The following KCNG2 variants were observed in gnomAD, a reference collection of about 807,000 sequenced individuals.
KCNG2 encodes voltage-gated potassium channel regulatory subunit KCNG2.
KCNG2 carries 7 observed loss-of-function variants against 12.3 expected under a neutral mutation model. The observed-to-expected ratio is 0.57, with a 90% confidence interval of 0.32 to 1.07. The LOEUF is 1.07. KCNG2 is among the 50% of genes least tolerant of loss of function. The probability of loss-of-function intolerance (pLI) is 0.04; values close to 1 mark genes in which losing one functional copy is unlikely to be tolerated. For missense variants in KCNG2, 703 were observed against 726.0 expected, an observed-to-expected ratio of 0.97 and a Z score of 0.36; for synonymous variants, 414 against 351.4, an observed-to-expected ratio of 1.18 and a Z score of -1.99.
At chr18:79,839,099 C>T (rs934061359) in intron 1 of KCNG2, among the ~76,000 whole-genome samples, 3 of 152,144 alleles carry the variant, frequency 2.0e-5, no homozygotes, top group Non-Finnish European at 2.9e-5. Flanking sequence ...AATCCAACAC[C>T]AGCCTGGACA....
At chr18:79,865,553 AGGTCTGGGTGCTGAGAGGTCTGGGTAT>A in intron 3 of KCNG2, among the ~76,000 whole-genome samples, 1 of 116,590 alleles carries the variant, frequency 8.6e-6, no homozygotes, top group South Asian at 3.5e-4. Flanking sequence ...CTGGGTGCTG[AGGTCTGGGTGCTGAGAGGTCTGGGTAT>A]GAGGTCTGGG....
intron 1 of KCNG2, among the ~76,000 whole-genome samples, chr18:79,807,232 C>A (rs189432870): frequency 1.3e-3 from 194 of 152,250 alleles, no homozygotes; most frequent in Non-Finnish European, 2.3e-3. Context: ...GGGAGCTCGT[C>A]GCGTAGTCTG....
At chr18:79,810,466 G>T (rs1247561689) in intron 1 of KCNG2, among the ~76,000 whole-genome samples, 1 of 152,116 alleles carries the variant, frequency 6.6e-6, no homozygotes, top group Non-Finnish European at 1.5e-5. Context: ...AGGAAACGTA[G>T]AAATCAAAAA....
At chr18:79,885,145 G>A (rs1294720849) in intron 3 of KCNG2, among the ~76,000 whole-genome samples, 1 of 152,194 alleles carries the variant, frequency 6.6e-6, no homozygotes, top group Non-Finnish European at 1.5e-5. Context: ...CAGGGCTGTG[G>A]AGCAGAGTCT....
intron 1 of KCNG2, among the ~76,000 whole-genome samples, chr18:79,818,703 G>A (rs935711113): frequency 1.3e-5 from 2 of 152,196 alleles, no homozygotes; most frequent in Admixed American, 6.5e-5. Context: ...ATAAGGAACC[G>A]CCCAGAAATC....
At position 79,884,245 on chromosome 18, in the gene KCNG2, C is replaced by T. The variant is rs1310908313; in HGVS notation, c.625-14795C>T. Reference sequence around the variant, plus strand: ...CCATGCCCCATGTCCCTGTTCTCAGCCCTCCTCCCGCCCCTCCCTGTGGGC... The same window carrying T: ...CCATGCCCCATGTCCCTGTTCTCAGTCCTCCTCCCGCCCCTCCCTGTGGGC... On this transcript the variant is annotated intron_variant, in intron 3 of 3. Transcript: ENST00000316249. The surrounding 1 kb of genome is among the most constrained non-coding windows in gnomAD (Gnocchi z 5.5). Among the ~76,000 whole-genome samples, 1 of 151,834 alleles carries T rather than the reference C, an allele frequency of 6.6e-6. No individual in the cohort carries two copies. Among genetic ancestry groups the T allele is most frequent in the African/African-American group, 2.4e-5 (1 of 41,326 alleles).
chr18:79,877,395 C>G (rs1480342284), intron 3 of KCNG2, among the ~76,000 whole-genome samples: 6 of 152,118 alleles, frequency 3.9e-5, no homozygotes, highest in African/African-American at 1.4e-4. Flanking sequence ...AGAAAGCTTC[C>G]AGGAGATACA....
intron 1 of KCNG2, among the ~76,000 whole-genome samples, chr18:79,817,845 A>G (rs2087541502): frequency 6.6e-6 from 1 of 151,660 alleles, no homozygotes; most frequent in South Asian, 2.1e-4. Flanking sequence ...GACTGTGAGG[A>G]CCCCTCTCTC....
At chr18:79,798,053 C>T (rs2087376026) in intron 1 of KCNG2, among the ~76,000 whole-genome samples, 39 bp downstream of exon 1, 1 of 151,246 alleles carries the variant, frequency 6.6e-6, no homozygotes, top group East Asian at 1.9e-4. Context: ...GGTGGGGGGT[C>T]CGCGGCGAAG....
At chr18:79,878,320 C>T (rs1489250514) in intron 3 of KCNG2, among the ~76,000 whole-genome samples, 1 of 130,740 alleles carries the variant, frequency 7.6e-6, no homozygotes, top group African/African-American at 2.7e-5. Flanking sequence ...TGGCAGTGTG[C>T]GGAGGGCGCC....
chr18:79,861,040 T>A (rs1408491900), intron 2 of KCNG2, among the ~76,000 whole-genome samples: 5 of 152,224 alleles, frequency 3.3e-5, no homozygotes, highest in African/African-American at 1.2e-4. Flanking sequence ...GATGTTAGAC[T>A]TCGTCAAATC....
At chr18:79,892,129 A>AC (rs34322588) in intron 3 of KCNG2, among the ~76,000 whole-genome samples, 18,652 of 150,918 alleles carry the variant, frequency 0.12, 1,457 homozygotes, top group East Asian at 0.35. Context: ...AAAAAAAAAA[A>AC]AACAACACAG....
At chr18:79,877,779 G>C (rs1980132129) in intron 3 of KCNG2, among the ~76,000 whole-genome samples, 1 of 152,230 alleles carries the variant, frequency 6.6e-6, no homozygotes, top group Non-Finnish European at 1.5e-5. Flanking sequence ...ACTGTCACTA[G>C]GGAATAAAAG....
At position 79,884,391 on chromosome 18, in the gene KCNG2, C is replaced by T. The variant is rs1290058651; in HGVS notation, c.625-14649C>T. Reference sequence around the variant, plus strand: ...GCAGCCCCCACCACTGCTGGATTCCCGTCCTCCGGTGAGGGCGCCTCTGCT... The same window carrying T: ...GCAGCCCCCACCACTGCTGGATTCCTGTCCTCCGGTGAGGGCGCCTCTGCT... On this transcript the variant is annotated intron_variant, in intron 3 of 3. Transcript: ENST00000316249. This position sits in a 1 kb window ranked among gnomAD's most constrained non-coding sequence, Gnocchi z 5.5. Among the ~76,000 whole-genome samples, 1 of 152,220 alleles carries T rather than the reference C, an allele frequency of 6.6e-6. No individual in the cohort carries two copies. The highest frequency in any genetic ancestry group is 6.5e-5 in the Admixed American group (1 of 15,288).
At chr18:79,839,810 G>C (rs1978406231) in intron 1 of KCNG2, among the ~76,000 whole-genome samples, 3 of 152,140 alleles carry the variant, frequency 2.0e-5, no homozygotes, top group Non-Finnish European at 4.4e-5. Flanking sequence ...TTTATTCCAG[G>C]GATGCAAAGA....
At chr18:79,897,048 G>A (rs1371918624) in intron 3 of KCNG2, among the ~76,000 whole-genome samples, 1 of 152,092 alleles carries the variant, frequency 6.6e-6, no homozygotes, top group African/African-American at 2.4e-5. Flanking sequence ...ATTATGATGT[G>A]TCCACCTGCG....
At chr18:79,848,000 C>T (rs1391138832) in intron 1 of KCNG2, among the ~76,000 whole-genome samples, 14 of 152,144 alleles carry the variant, frequency 9.2e-5, no homozygotes, top group Admixed American at 6.5e-4. Context: ...AGTGGATTGG[C>T]AGGGGGGAAT....
intron 3 of KCNG2, 62 bp downstream of exon 3, chr18:79,864,353 TGCGGGGAGGTGGGTGGGGGAAGGGGC>T: frequency 9.0e-6 from 1 of 111,638 alleles, no homozygotes; most frequent in Non-Finnish European, 1.7e-5. Flanking sequence ...GGATCTGGGC[TGCGGGGAGGTGGGTGGGGGAAGGGGC>T]GCGGGGGCAG....
At chr18:79,821,754 C>T (rs543197132) in intron 1 of KCNG2, among the ~76,000 whole-genome samples, 3 of 152,272 alleles carry the variant, frequency 2.0e-5, no homozygotes, top group Admixed American at 6.5e-5. Flanking sequence ...GTGTAGGGCT[C>T]ATCTCTGGGC....
Sources: allele counts gnomAD v4.1 joint callset (sites outside exome capture counted in the v4.1 genomes callset), GRCh38; gene constraint gnomAD v4.1.1; non-coding constraint Gnocchi (gnomAD v3.1); transcripts MANE v1.5; gene names NCBI Gene and HGNC (gene_info 2026-07-23, HGNC 2026-07-21).